ADCY8: variants seen among roughly 807,000 people sequenced by gnomAD.
ADCY8 encodes adenylate cyclase 8.
In ADCY8, 51 loss-of-function variants were observed where a neutral mutation model predicts 119.7. That is an observed-to-expected ratio of 0.43 (90% CI 0.34 to 0.54). The LOEUF is 0.54. ADCY8 is among the 20% of genes least tolerant of loss of function. ADCY8 has a pLI of 0.03. For missense variants in ADCY8, 1,383 were observed against 1,598.8 expected (o/e 0.87, Z 2.30); for synonymous variants, 665 against 651.0 (o/e 1.02, Z -0.33).
intron 9 of ADCY8, among the ~76,000 whole-genome samples, chr8:130,858,099 C>G (rs902712216): frequency 1.3e-4 from 20 of 152,156 alleles, no homozygotes; most frequent in African/African-American, 4.8e-4. Context: ...TCCTTGCTTT[C>G]TTGTAGGACA....
chr8:130,936,203 G>A (rs573613647), intron 5 of ADCY8, among the ~76,000 whole-genome samples: 3 of 152,132 alleles, frequency 2.0e-5, no homozygotes, highest in African/African-American at 4.8e-5. Flanking sequence ...GGACCTCAAG[G>A]GGAGTGCTGA....
chr8:130,971,095 T>A (rs1821909884), intron 2 of ADCY8, among the ~76,000 whole-genome samples: 1 of 152,200 alleles, frequency 6.6e-6, no homozygotes, highest in Admixed American at 6.5e-5. Context: ...TCTTTAGGTT[T>A]AGCACAAGTC....
In ADCY8 at chr8:130,955,242, T is replaced by C. The variant is rs142083809; in HGVS notation, c.1111-3244A>G. Among the ~76,000 whole-genome samples, 1,199 of 152,230 alleles carry C rather than the reference T, an allele frequency of 7.9e-3. 14 individuals are homozygous for C. Among genetic ancestry groups the C allele is most frequent in the South Asian group, 0.015 (73 of 4,820 alleles). ...TGGGCCAGGGACTGAGTTAAGAGCT[T>C]CATATATAATTTCATATAACATTCA... is the stretch of plus-strand genomic sequence containing the variant. On this transcript the variant is annotated intron_variant, in intron 2 of 17. Coordinates refer to ENST00000286355, the MANE Select transcript of ADCY8 (RefSeq NM_001115.3).
intron 17 of ADCY8, among the ~76,000 whole-genome samples, chr8:130,783,030 T>G (rs775174904): frequency 1.2e-4 from 18 of 152,196 alleles, no homozygotes; most frequent in Non-Finnish European, 1.8e-4. Context: ...CCGCATTTAC[T>G]CATCTACAAA....
At chr8:130,862,768 T>A (rs1208158925) in intron 9 of ADCY8, among the ~76,000 whole-genome samples, 1 of 152,238 alleles carries the variant, frequency 6.6e-6, no homozygotes, top group African/African-American at 2.4e-5. Flanking sequence ...TTGAAGAGTG[T>A]GTTATTTAAT....
rs756683058 is a variant in ADCY8 at position 130,881,714 on chromosome 8, C to T, written c.2109+2850G>A. Among the ~76,000 whole-genome samples, 50 of 152,226 alleles carry T rather than the reference C, an allele frequency of 3.3e-4. No homozygotes were observed. The Middle Eastern group carries it at 0.01, about 31-fold the overall frequency. ...CCTTAAAATGTACACCTTGACATCT[C>T]TGAAATCAGCATGCACCTTATTATC... On this transcript the variant is annotated intron_variant, in intron 8 of 17. Coordinates refer to ENST00000286355, the MANE Select transcript of ADCY8 (RefSeq NM_001115.3).
intron 2 of ADCY8, among the ~76,000 whole-genome samples, chr8:130,985,691 C>A (rs1187521159): frequency 6.6e-6 from 1 of 152,086 alleles, no homozygotes; most frequent in African/African-American, 2.4e-5. Flanking sequence ...TTATTTTTAA[C>A]TTTAAAAAGT....
intron 14 of ADCY8, among the ~76,000 whole-genome samples, chr8:130,813,079 C>G (rs1191715413): frequency 6.6e-6 from 1 of 151,930 alleles, no homozygotes; most frequent in East Asian, 1.9e-4. Flanking sequence ...TCCCAAGTAG[C>G]TGGGATTACA....
At chr8:130,812,950 C>CTT (rs111620889) in intron 14 of ADCY8, among the ~76,000 whole-genome samples, 1 of 140,232 alleles carries the variant, frequency 7.1e-6, no homozygotes, top group African/African-American at 2.6e-5. Context: ...CCATCTTGAT[C>CTT]TTTTTTTTTT....
chr8:131,019,106 A>G (rs1823570805), intron 1 of ADCY8, among the ~76,000 whole-genome samples: 1 of 152,180 alleles, frequency 6.6e-6, no homozygotes, highest in Non-Finnish European at 1.5e-5. Flanking sequence ...TGATGGTATG[A>G]AATTGACGGT....
At position 130,910,272 on chromosome 8, in the gene ADCY8, G is replaced by A. The variant is rs181820842; in HGVS notation, c.1482-406C>T. 1.6e-3 allele frequency among the ~76,000 whole-genome samples: 243 copies of A among 152,200 alleles called. 3 individuals are homozygous for A. The East Asian group carries it at 0.045, about 28-fold the overall frequency. On this transcript the variant is annotated intron_variant, in intron 5 of 17. Transcript: ENST00000286355. ...GAAACCTTCCTCCAAAACCTGCTCT[G>A]TAACCTCTGTCTTAGGGAATGGCAC...
intron 8 of ADCY8, among the ~76,000 whole-genome samples, chr8:130,869,955 T>TCTTCTTCTTC (rs768073041): frequency 6.0e-5 from 7 of 116,066 alleles, no homozygotes; most frequent in African/African-American, 8.1e-5. Context: ...TTCTTCTTCT[T>TCTTCTTCTTC]CTTCTTCCTT....
intron 15 of ADCY8, among the ~76,000 whole-genome samples, chr8:130,798,951 C>T (rs1815678279): frequency 6.6e-6 from 1 of 152,084 alleles, no homozygotes; most frequent in African/African-American, 2.4e-5. Flanking sequence ...GAATACTATT[C>T]AGCCACAAAA....
At chr8:131,035,441 T>C (rs1378950451) in intron 1 of ADCY8, among the ~76,000 whole-genome samples, 1 of 152,126 alleles carries the variant, frequency 6.6e-6, no homozygotes, top group Non-Finnish European at 1.5e-5. Flanking sequence ...GTTAATTGAG[T>C]AGAGAAAACA....
intron 1 of ADCY8, among the ~76,000 whole-genome samples, chr8:130,992,822 G>A (rs1049865538): frequency 8.4e-6 from 1 of 119,578 alleles, no homozygotes; most frequent in East Asian, 5.3e-4. Context: ...AGGAAGGAGA[G>A]AATGGGGCTA....
intron 15 of ADCY8, among the ~76,000 whole-genome samples, chr8:130,796,842 A>G (rs1305785527): frequency 7.8e-6 from 1 of 128,932 alleles, no homozygotes; most frequent in East Asian, 2.3e-4. Flanking sequence ...CCTCCTCCCC[A>G]TCTACTTATC....
intron 5 of ADCY8, among the ~76,000 whole-genome samples, chr8:130,925,617 G>A (rs530768028): frequency 1.3e-5 from 2 of 152,142 alleles, no homozygotes; most frequent in African/African-American, 4.8e-5. Context: ...CAGTACAATA[G>A]GCACTCTTTC....
rs765257075 is a variant in ADCY8, at chr8:131,040,197, G to A, written c.137C>T (p.Thr46Met). ...GTGCCCGTGAATGAAGCGCTGCTCC[G>A]TGATGTGTCGCACCGCCGTCTGCCA... Reference protein sequence around the residue: ...LLWQTAVRHITEQRFIHGHRG... With the variant: ...LLWQTAVRHIMEQRFIHGHRG... Residue 46 changes from threonine to methionine, a missense_variant, in exon 1 of 18, where the codon ACG becomes ATG. Thr to Met is a moderately conservative substitution (Grantham distance 81). Around this residue, in one of 2 missense-constraint regions of ADCY8, gnomAD observed 455 missense variants for 435.3 expected, o/e 1.05. Coordinates refer to ENST00000286355, the MANE Select transcript of ADCY8 (RefSeq NM_001115.3). 2.0e-6 allele frequency: 3 copies of A among 1,535,984 alleles called. No homozygotes were observed. The highest frequency in any genetic ancestry group is 3.9e-5 in the Admixed American group (2 of 51,106).
chr8:130,948,331 A>G (rs1821166799), intron 3 of ADCY8, among the ~76,000 whole-genome samples: 1 of 152,218 alleles, frequency 6.6e-6, no homozygotes, highest in Non-Finnish European at 1.5e-5. Context: ...AGCGTGAATG[A>G]CTTCCAGTAA....
Sources: gnomAD v4.1 joint callset for allele counts (sites outside exome capture counted in the v4.1 genomes callset) on GRCh38, gnomAD v4.1.1 for gene constraint, gnomAD v4.1.1 regional missense constraint, MANE v1.5 for transcripts, NCBI Gene and HGNC (gene_info 2026-07-23, HGNC 2026-07-21) for gene names.